The following ASTN2 variants were observed in gnomAD, a reference collection of about 807,000 sequenced individuals.
ASTN2 encodes astrotactin 2, also known as astrotactin-2.
Under a neutral mutation model 139.8 loss-of-function variants are expected in ASTN2, and 54 were observed. The observed-to-expected ratio is 0.39, with a 90% CI of 0.31 to 0.48. The LOEUF is 0.48. Among genes scored for constraint, ASTN2 ranks in the 20% least tolerant of loss-of-function variants. The pLI is 0.95. For missense variants in ASTN2, 1,565 were observed against 1,725.1 expected (o/e 0.91, Z 1.64); for synonymous variants, 756 against 719.5 (o/e 1.05, Z -0.81).
chr9:116,514,976 C>T (rs1850581163), intron 19 of ASTN2, among the ~76,000 whole-genome samples: 1 of 152,066 alleles, frequency 6.6e-6, no homozygotes, highest in South Asian at 2.1e-4. Flanking sequence ...TGCTTTGGCT[C>T]ACGCTTGGTG....
intron 13 of ASTN2, among the ~76,000 whole-genome samples, chr9:116,786,752 G>T (rs1422789993): frequency 1.3e-5 from 2 of 152,136 alleles, no homozygotes; most frequent in Non-Finnish European, 2.9e-5. Context: ...ATATGGTTTG[G>T]CTGTGTCCCC....
At chr9:116,851,324 T>C (rs1832595064) in intron 11 of ASTN2, among the ~76,000 whole-genome samples, 1 of 152,118 alleles carries the variant, frequency 6.6e-6, no homozygotes, top group Non-Finnish European at 1.5e-5. Context: ...GGTGGGTGTG[T>C]TGGGGGAGGG....
chr9:116,715,810 G>A (rs1828296172), intron 16 of ASTN2, among the ~76,000 whole-genome samples: 1 of 152,160 alleles, frequency 6.6e-6, no homozygotes, highest in African/African-American at 2.4e-5. Context: ...TGATAGAGCG[G>A]TGAGAAAGGA....
rs554790495 is a variant in ASTN2, at chr9:116,880,208, T to C, written c.1890-16475A>G. 7.9e-5 allele frequency among the ~76,000 whole-genome samples: 12 copies of C among 152,312 alleles called. No individual in the cohort carries two copies. The South Asian group carries it at 1.4e-3, about 18-fold the overall frequency. ...CTATGTTTGTTGCCTATGTTTGTAA[T>C]AGAAAGAAATGTTAAATTTCAATGA... On this transcript the variant is annotated intron_variant, in intron 10 of 22. Transcript: ENST00000313400.
chr9:117,044,273 A>G (rs10983471), intron 5 of ASTN2, among the ~76,000 whole-genome samples: 12,093 of 152,272 alleles, frequency 0.079, 530 homozygotes, highest in South Asian at 0.15. Context: ...GGACATAAGA[A>G]GGAGAAAGTG....
At chr9:116,762,393 G>GTCTATGTCA (rs2132170073) in intron 13 of ASTN2, among the ~76,000 whole-genome samples, 1 of 152,224 alleles carries the variant, frequency 6.6e-6, no homozygotes, top group South Asian at 2.1e-4. Context: ...GAACTAATTT[G>GTCTATGTCA]GATAATTGAC....
At chr9:116,929,903 T>C (rs1834852409) in intron 10 of ASTN2, among the ~76,000 whole-genome samples, 2 of 152,156 alleles carry the variant, frequency 1.3e-5, no homozygotes, top group Admixed American at 6.5e-5. Flanking sequence ...AATGAGACTG[T>C]TGAGTTGTTA....
At chr9:117,158,814 A>T (rs528492826) in intron 3 of ASTN2, among the ~76,000 whole-genome samples, 13 of 152,088 alleles carry the variant, frequency 8.5e-5, no homozygotes, top group African/African-American at 2.4e-4. Flanking sequence ...CTTATCATGA[A>T]TCTCTCTGTG....
intron 12 of ASTN2, among the ~76,000 whole-genome samples, chr9:116,810,012 C>T (rs759897735): frequency 1.3e-5 from 2 of 152,282 alleles, no homozygotes; most frequent in Admixed American, 6.5e-5. Flanking sequence ...GGAGACCATG[C>T]GTTCCCGATG....
At chr9:116,781,055 G>A (rs1830207282) in intron 13 of ASTN2, among the ~76,000 whole-genome samples, 1 of 152,060 alleles carries the variant, frequency 6.6e-6, no homozygotes, top group Non-Finnish European at 1.5e-5. Context: ...GGTCAGGCTG[G>A]TCTCGAACTC....
At position 116,509,835 on chromosome 9, in the gene ASTN2, T is replaced by G. The variant is rs572954572; in HGVS notation, c.3356-22335A>C. ...TCAAGAAGTGTCTGTTGATGTCCTT[T>G]GCCCACTTGATGGGGTTGTTTCTTT... On this transcript the variant is annotated intron_variant, in intron 19 of 22. Transcript: ENST00000313400. Among the ~76,000 whole-genome samples, 29 of 152,228 alleles carry G rather than the reference T, an allele frequency of 1.9e-4. 1 individual carries two copies. The South Asian group carries it at 5.8e-3, about 30-fold the overall frequency.
At chr9:117,240,466 C>A (rs977720856) in intron 2 of ASTN2, among the ~76,000 whole-genome samples, 2 of 152,150 alleles carry the variant, frequency 1.3e-5, no homozygotes, top group Non-Finnish European at 2.9e-5. Context: ...ATGGGTTACA[C>A]TTGGCATGCC....
intron 1 of ASTN2, among the ~76,000 whole-genome samples, chr9:117,320,666 C>G (rs895742510): frequency 1.3e-5 from 2 of 152,160 alleles, no homozygotes; most frequent in South Asian, 2.1e-4. Flanking sequence ...TGCCTCCTTT[C>G]AAGGCACTCT....
At chr9:116,975,400 A>C (rs922761525) in intron 9 of ASTN2, 55 bp from the exon 10 acceptor site, 4 of 1,509,776 alleles carry the variant, frequency 2.6e-6, no homozygotes, top group Non-Finnish European at 3.5e-6. Flanking sequence ...GAGCAAACAG[A>C]AAAAAGGGGC....
chr9:116,702,194 A>C (rs1242162581), intron 16 of ASTN2, among the ~76,000 whole-genome samples: 2 of 152,104 alleles, frequency 1.3e-5, no homozygotes, highest in African/African-American at 4.8e-5. Flanking sequence ...AATAACAAAA[A>C]TGATCCCTGC....
At chr9:117,295,393 G>C (rs1448094679) in intron 1 of ASTN2, among the ~76,000 whole-genome samples, 2 of 152,096 alleles carry the variant, frequency 1.3e-5, no homozygotes, top group African/African-American at 2.4e-5. Context: ...ACATTTCCTT[G>C]AACATGTGTT....
intron 19 of ASTN2, among the ~76,000 whole-genome samples, chr9:116,507,973 C>G (rs1850184283): frequency 2.0e-5 from 3 of 152,198 alleles, no homozygotes; most frequent in South Asian, 2.1e-4. Flanking sequence ...ACCGCAACCT[C>G]CACCTCCTGG....
At chr9:117,363,324 C>A (rs1266310883) in intron 1 of ASTN2, among the ~76,000 whole-genome samples, 1 of 152,156 alleles carries the variant, frequency 6.6e-6, no homozygotes, top group East Asian at 1.9e-4. Context: ...AGAAATAAAA[C>A]AAATACTTTA....
intron 19 of ASTN2, among the ~76,000 whole-genome samples, chr9:116,542,240 A>G (rs1851905796): frequency 6.6e-6 from 1 of 152,236 alleles, no homozygotes. Context: ...CTCTTGATAC[A>G]TATTGCTAAT....
Sources: gnomAD v4.1 joint callset for allele counts (sites outside exome capture counted in the v4.1 genomes callset) on GRCh38, gnomAD v4.1.1 for gene constraint, MANE v1.5 for transcripts, NCBI Gene and HGNC (gene_info 2026-07-23, HGNC 2026-07-21) for gene names.